KAZN: variants seen among roughly 807,000 people sequenced by gnomAD.
The protein encoded by KAZN is kazrin, periplakin interacting protein.
A neutral mutation model predicts 87.4 loss-of-function variants in KAZN; 40 were observed. The observed-to-expected ratio is 0.46, with a 90% CI of 0.36 to 0.60. The LOEUF (loss-of-function observed/expected upper bound fraction) is 0.60, where lower values mean the gene tolerates loss of function less well. Ranked by LOEUF, KAZN falls within the 20% of genes least tolerant of loss-of-function variation. KAZN has a pLI of 0.00. For missense variants in KAZN, 898 were observed against 1,073.9 expected (o/e 0.84, Z 2.29); for synonymous variants, 466 against 458.3 (o/e 1.02, Z -0.22).
At chr1:14,841,490 C>A (rs1475401726) in intron 1 of KAZN, among the ~76,000 whole-genome samples, 1 of 150,988 alleles carries the variant, frequency 6.6e-6, no homozygotes, top group Non-Finnish European at 1.5e-5. Context: ...GAGGACACTC[C>A]CTGGCCAAAG....
chr1:14,395,040 C>T (rs1662777234), intron 2 of KAZN, among the ~76,000 whole-genome samples: 1 of 152,024 alleles, frequency 6.6e-6, no homozygotes, highest in Non-Finnish European at 1.5e-5. Context: ...CTAGCACAGG[C>T]CCTGGTACAG....
intron 2 of KAZN, among the ~76,000 whole-genome samples, chr1:15,003,971 C>T (rs951608495): frequency 6.6e-6 from 1 of 152,154 alleles, no homozygotes; most frequent in Non-Finnish European, 1.5e-5. Flanking sequence ...AGCATAAAAC[C>T]GGTCCTCCTT....
intron 1 of KAZN, among the ~76,000 whole-genome samples, chr1:14,066,264 G>T (rs532070276): frequency 2.0e-5 from 3 of 152,232 alleles, no homozygotes; most frequent in Non-Finnish European, 2.9e-5. Flanking sequence ...ATTGTGAATT[G>T]TTCTGTGATA....
At chr1:14,139,426 G>A (rs373474775) in intron 1 of KAZN, among the ~76,000 whole-genome samples, 8 of 152,170 alleles carry the variant, frequency 5.3e-5, no homozygotes, top group East Asian at 1.9e-4. Flanking sequence ...CACATCACAC[G>A]TATAGCTTAC....
At chr1:14,319,010 TTTTATTTATTTA>T (rs199695925) in intron 2 of KAZN, among the ~76,000 whole-genome samples, 8,349 of 136,502 alleles carry the variant, frequency 0.061, 435 homozygotes, top group African/African-American at 0.15. Flanking sequence ...GACCTTTTAT[TTTTATTTATTTA>T]TTTATTTATT....
intron 4 of KAZN, among the ~76,000 whole-genome samples, chr1:15,055,219 G>A (rs1234450316): frequency 3.3e-5 from 5 of 152,212 alleles, no homozygotes; most frequent in Non-Finnish European, 5.9e-5. Context: ...GCTCACACCT[G>A]TATTCCCAGC....
At chr1:14,355,914 A>C (rs1007718937) in intron 2 of KAZN, among the ~76,000 whole-genome samples, 4 of 152,224 alleles carry the variant, frequency 2.6e-5, no homozygotes, top group Admixed American at 6.5e-5. Context: ...TCTTTATAGT[A>C]GAATGACTTA....
chr1:14,029,738 T>C (rs1465970716), intron 1 of KAZN, among the ~76,000 whole-genome samples: 1 of 151,348 alleles, frequency 6.6e-6, no homozygotes, highest in Non-Finnish European at 1.5e-5. Context: ...GGAAATCCTT[T>C]CCCCATTGCT....
At chr1:14,918,675 CAAAAAAAAAAAAAAAAAAAAA>C (rs1158537283) in intron 1 of KAZN, among the ~76,000 whole-genome samples, 16 of 37,070 alleles carry the variant, frequency 4.3e-4, no homozygotes, top group African/African-American at 1.8e-3. Context: ...GACTCCATCT[CAAAAAAAAAAAAAAAAAAAAA>C]AAAAAAAAAA....
At chr1:14,317,663 T>C (rs908912757) in intron 2 of KAZN, among the ~76,000 whole-genome samples, 1 of 151,988 alleles carries the variant, frequency 6.6e-6, no homozygotes, top group African/African-American at 2.4e-5. Context: ...TTTTTCTCCA[T>C]CTTCATTATT....
At chr1:14,884,469 G>A (rs934317312) in intron 1 of KAZN, among the ~76,000 whole-genome samples, 2 of 152,162 alleles carry the variant, frequency 1.3e-5, no homozygotes, top group African/African-American at 4.8e-5. Flanking sequence ...AATAAAATCA[G>A]TGTTTAAGAC....
intron 1 of KAZN, among the ~76,000 whole-genome samples, chr1:14,826,847 T>G (rs1179880594): frequency 1.3e-5 from 2 of 152,280 alleles, no homozygotes; most frequent in East Asian, 3.9e-4. Flanking sequence ...CCACTCAGAT[T>G]TTCATGGACA....
At chr1:14,040,803 A>ATTAAATTAAATTAAATTAAAT (rs1553119538) in intron 1 of KAZN, among the ~76,000 whole-genome samples, 244 of 150,774 alleles carry the variant, frequency 1.6e-3, no homozygotes, top group Non-Finnish European at 2.9e-3. Flanking sequence ...TTAAATTAAA[A>ATTAAATTAAATTAAATTAAAT]TAAAATAAAA....
chr1:14,353,082 CTCT>C (rs1658683244), intron 2 of KAZN, among the ~76,000 whole-genome samples: 1 of 152,256 alleles, frequency 6.6e-6, no homozygotes, highest in Non-Finnish European at 1.5e-5. Flanking sequence ...TTGAGCACTC[CTCT>C]TCTTAAGTTG....
At chr1:14,432,518 A>G (rs1167303602) in intron 2 of KAZN, among the ~76,000 whole-genome samples, 3 of 152,246 alleles carry the variant, frequency 2.0e-5, no homozygotes, top group South Asian at 4.1e-4. Flanking sequence ...TACTTGACGA[A>G]TCATTGCGAT....
chr1:14,212,147 CCTT>C (rs1191133767), intron 2 of KAZN, among the ~76,000 whole-genome samples: 1 of 152,188 alleles, frequency 6.6e-6, no homozygotes, highest in African/African-American at 2.4e-5. Flanking sequence ...TGGCCATCCC[CCTT>C]CTTTTAAAGC....
intron 2 of KAZN, among the ~76,000 whole-genome samples, chr1:14,969,221 C>T (rs1351242127): frequency 6.6e-6 from 1 of 152,260 alleles, no homozygotes; most frequent in Non-Finnish European, 1.5e-5. Flanking sequence ...AGACACACAT[C>T]CTTGTCACCA....
At chr1:14,097,465 C>G (rs900156802) in intron 1 of KAZN, among the ~76,000 whole-genome samples, 3 of 152,106 alleles carry the variant, frequency 2.0e-5, no homozygotes, top group Admixed American at 6.5e-5. Flanking sequence ...CATAGAGTGA[C>G]CTTTAATATG....
chr1:14,554,673 A>T (rs1673750241), intron 2 of KAZN, among the ~76,000 whole-genome samples: 1 of 152,224 alleles, frequency 6.6e-6, no homozygotes, highest in Non-Finnish European at 1.5e-5. Context: ...GGTACTTGAC[A>T]TCTCTAGAAA....
Sources: gnomAD v4.1 joint callset for allele counts (sites outside exome capture counted in the v4.1 genomes callset) on GRCh38, gnomAD v4.1.1 for gene constraint, MANE v1.5 for transcripts, NCBI Gene and HGNC (gene_info 2026-07-23, HGNC 2026-07-21) for gene names.